Variants in VAMP7 observed in about 807,000 individuals in gnomAD.
VAMP7 encodes vesicle associated membrane protein 7, also known as vesicle-associated membrane protein 7.
A neutral mutation model predicts 29.6 loss-of-function variants in VAMP7; 14 were observed. The ratio of observed to expected loss-of-function variants is 0.47; its 90% confidence interval spans 0.31 to 0.74. The LOEUF is 0.74. Among genes scored for constraint, VAMP7 ranks in the 30% least tolerant of loss-of-function variants. The pLI is 0.05. For synonymous variants in VAMP7, 95 were observed against 88.1 expected, an observed-to-expected ratio of 1.08 and a Z score of -0.44; for missense variants, 223 against 262.4, an observed-to-expected ratio of 0.85 and a Z score of 1.04.
chrX:155,932,629 A>T (rs1466472121), intron 6 of VAMP7, among the ~76,000 whole-genome samples: 1 of 152,144 alleles, frequency 6.6e-6, no homozygotes, highest in African/African-American at 2.4e-5. Flanking sequence ...GGTTTTCTAG[A>T]TATACAATCA....
At chrX:155,935,804 G>A (rs2066643545) in intron 6 of VAMP7, among the ~76,000 whole-genome samples, 2 of 152,090 alleles carry the variant, frequency 1.3e-5, no homozygotes. Flanking sequence ...CAGTTTTTCT[G>A]CTGTTTTTTT....
intron 5 of VAMP7, among the ~76,000 whole-genome samples, chrX:155,908,561 T>G (rs1473279304): frequency 6.8e-6 from 1 of 148,030 alleles, no homozygotes; most frequent in Non-Finnish European, 1.5e-5. Context: ...GTGGGGAGAG[T>G]GAGAGGGGGA....
At chrX:155,908,514 CAGAGGGAGACCGTGGAAAGAGAGGG>C (rs2066184632) in intron 5 of VAMP7, among the ~76,000 whole-genome samples, 3 of 151,834 alleles carry the variant, frequency 2.0e-5, no homozygotes, top group Non-Finnish European at 2.9e-5. Context: ...GGCTGGGCAT[CAGAGGGAGACCGTGGAAAGAGAGGG>C]AGAGGGAGAC....
intron 6 of VAMP7, among the ~76,000 whole-genome samples, chrX:155,933,181 C>G (rs2066591069): frequency 1.3e-5 from 2 of 152,140 alleles, no homozygotes; most frequent in African/African-American, 2.4e-5. Flanking sequence ...TGTTGTGTCT[C>G]TGCCAGGCTT....
At chrX:155,936,362 C>T (rs946622801) in intron 6 of VAMP7, among the ~76,000 whole-genome samples, 76 of 152,298 alleles carry the variant, frequency 5.0e-4, no homozygotes, top group Non-Finnish European at 9.1e-4. Context: ...TCGAGCTTCC[C>T]GGCAGCTTTG....
chrX:155,924,844 C>A (rs745991297), intron 6 of VAMP7, among the ~76,000 whole-genome samples: 29 of 152,276 alleles, frequency 1.9e-4, no homozygotes, highest in Admixed American at 6.5e-4. Flanking sequence ...GGCAATAGAA[C>A]TTCTTTCAAA....
At chrX:155,907,434 T>G (rs867602185) in intron 5 of VAMP7, among the ~76,000 whole-genome samples, 2 of 151,960 alleles carry the variant, frequency 1.3e-5, no homozygotes, top group Non-Finnish European at 2.9e-5. Context: ...TCCACAGTGT[T>G]TGTGTCCCTG....
chrX:155,941,032 C>T (rs1350805237), intron 7 of VAMP7, among the ~76,000 whole-genome samples: 1 of 152,042 alleles, frequency 6.6e-6, no homozygotes, highest in African/African-American at 2.4e-5. Flanking sequence ...AAAATAAAGC[C>T]AGGCATAGGG....
At chrX:155,916,884 C>A (rs1446419840) in intron 5 of VAMP7, among the ~76,000 whole-genome samples, 1 of 151,976 alleles carries the variant, frequency 6.6e-6, no homozygotes, top group Non-Finnish European at 1.5e-5. Context: ...CTGTATTTCC[C>A]AAATTTGAAT....
intron 6 of VAMP7, among the ~76,000 whole-genome samples, chrX:155,931,526 T>G (rs1351919207): frequency 6.6e-6 from 1 of 152,220 alleles, no homozygotes; most frequent in Non-Finnish European, 1.5e-5. Context: ...GAAGTGTCTG[T>G]TCATATCCTT....
chrX:155,891,294 AC>A (rs1480910438), intron 2 of VAMP7, among the ~76,000 whole-genome samples: 5 of 152,134 alleles, frequency 3.3e-5, no homozygotes, highest in African/African-American at 4.8e-5. Context: ...TCTCCTGGCC[AC>A]CCAGATATTT....
chrX:155,916,448 T>A (rs1474270551), intron 5 of VAMP7, among the ~76,000 whole-genome samples: 1 of 152,198 alleles, frequency 6.6e-6, no homozygotes, highest in East Asian at 1.9e-4. Context: ...TTCTTCATAG[T>A]GTTGATGGTC....
intron 2 of VAMP7, among the ~76,000 whole-genome samples, chrX:155,890,506 G>A (rs1318285868): frequency 2.0e-5 from 3 of 151,928 alleles, no homozygotes; most frequent in African/African-American, 4.8e-5. Flanking sequence ...GATTACAGGC[G>A]TGCACCACCA....
At chrX:155,889,641 A>G in intron 2 of VAMP7, 29 bp downstream of exon 2, 1 of 1,611,594 alleles carries the variant, frequency 6.2e-7, no homozygotes, top group Non-Finnish European at 8.5e-7. Context: ...GTGGTAAGGG[A>G]TGAAAGAAGG....
chrX:155,921,321 T>A (rs918863263), intron 6 of VAMP7, among the ~76,000 whole-genome samples: 7 of 152,014 alleles, frequency 4.6e-5, no homozygotes, highest in Admixed American at 2.6e-4. Context: ...TTTTTATATA[T>A]ATCTATACCC....
chrX:155,887,791 C>T (rs901563058), intron 1 of VAMP7, among the ~76,000 whole-genome samples: 3 of 151,804 alleles, frequency 2.0e-5, no homozygotes, highest in Non-Finnish European at 4.4e-5. Context: ...AATAGCCGGA[C>T]ATGGTGGCAC....
In VAMP7 at chrX:155,942,280, C is replaced by A; in HGVS notation, c.*329C>A. The A allele has an allele frequency of 1.9e-6, 2 of 1,063,006 alleles. No individual in the cohort carries two copies. The highest frequency in any genetic ancestry group is 2.7e-6 in the Non-Finnish European group (2 of 753,080). 65.8% of individuals were successfully genotyped at this position (1,063,006 alleles called of 1,614,324 possible). On this transcript the variant is annotated 3_prime_UTR_variant, in exon 8 of 8. Coordinates refer to ENST00000286448, the MANE Select transcript of VAMP7 (RefSeq NM_005638.6). ...AAGCTGTCGCCGCTAGTCTTATGAG[C>A]TATCTACTAAAACTATGGAGAAACT...
chrX:155,884,694 C>T (rs2065845996), intron 1 of VAMP7, among the ~76,000 whole-genome samples: 1 of 152,136 alleles, frequency 6.6e-6, no homozygotes, highest in Admixed American at 6.5e-5. Context: ...TGCCATTGCT[C>T]GTTTATAAGA....
chrX:155,895,501 C>T, intron 2 of VAMP7, 122 bp from the exon 3 acceptor site: 1 of 648,896 alleles, frequency 1.5e-6, no homozygotes, highest in African/African-American at 1.8e-5. Flanking sequence ...GGAGAAGAGA[C>T]TGTATCCGTA....
Sources: gnomAD v4.1 joint callset for allele counts (sites outside exome capture counted in the v4.1 genomes callset) on GRCh38, gnomAD v4.1.1 for gene constraint, MANE v1.5 for transcripts, NCBI Gene and HGNC (gene_info 2026-07-23, HGNC 2026-07-21) for gene names.